Variants in DST observed in about 807,000 individuals in gnomAD.
DST encodes bullous pemphigoid antigen.
Under a neutral mutation model 875.2 loss-of-function variants are expected in DST, and 253 were observed. That is an observed-to-expected ratio of 0.29 (90% CI 0.26 to 0.32). The LOEUF (loss-of-function observed/expected upper bound fraction) is 0.32, where lower values mean the gene tolerates loss of function less well. Among genes scored for constraint, DST ranks in the 10% least tolerant of loss-of-function variants. The pLI is 1.00. For missense variants in DST, 8,287 were observed against 9,111.6 expected, an observed-to-expected ratio of 0.91 and a Z score of 3.68; for synonymous variants, 3,124 against 3,197.1, an observed-to-expected ratio of 0.98 and a Z score of 0.77.
At chr6:56,616,280 T>G in intron 36 of DST, 8 of 1,614,128 alleles carry the variant, frequency 5.0e-6, no homozygotes, top group Non-Finnish European at 6.8e-6. Flanking sequence ...TAATCCTGTT[T>G]TAGTATCAGT....
chr6:56,607,398 G>C lies in DST; in HGVS notation c.7230C>G (p.Phe2410Leu), dbSNP rs764920496. ...CATTCTCTGTTTCATTCACACCACA[G>C]AATTTACTCATTTTTGATTTCATAA... ...NPIMKSKMSKFCGVNETENED... is the reference protein window; with the variant it reads ...NPIMKSKMSKLCGVNETENED... Residue 2410 changes from phenylalanine to leucine, a missense_variant, in exon 40 of 104, where the codon TTC (phenylalanine) becomes TTG (leucine). This residue lies in a region of DST where 3,138 missense variants were observed against 3,116.6 expected (regional missense o/e 1.01). Coordinates refer to ENST00000680361, the MANE Select transcript of DST (RefSeq NM_001374736.1). 3.1e-6 allele frequency: 5 copies of C among 1,612,294 alleles called. No individual in the cohort carries two copies. In the African/African-American group the frequency reaches 5.3e-5, roughly 17 times the overall value.
In DST at chr6:56,642,903, T is replaced by C. The variant is rs1467800564; in HGVS notation, c.1779-400A>G. The C allele has an allele frequency of 3.2e-5, 50 of 1,564,192 alleles. No homozygotes were observed. The East Asian group carries it at 1.1e-3, about 36-fold the overall frequency. On this transcript the variant is annotated intron_variant, in intron 15 of 103. Transcript: ENST00000680361. ...AAAGTGGCAGCTGAATATTACAGCTTTTAGTGGCTCCTTAAATATGCTTCA... is the reference window on the plus strand; with the variant it reads ...AAAGTGGCAGCTGAATATTACAGCTCTTAGTGGCTCCTTAAATATGCTTCA...
intron 4 of DST, among the ~76,000 whole-genome samples, chr6:56,789,652 T>C (rs2099711648): frequency 1.3e-5 from 2 of 152,240 alleles, no homozygotes; most frequent in South Asian, 4.1e-4. Flanking sequence ...ACTTTCTGCT[T>C]CTGTGACTAT....
intron 37 of DST, among the ~76,000 whole-genome samples, chr6:56,612,916 C>T (rs1471537658): frequency 1.3e-5 from 2 of 152,030 alleles, no homozygotes; most frequent in African/African-American, 4.8e-5. Flanking sequence ...TGCAGTCCAG[C>T]TACTCAGGAG....
At chr6:56,542,225 CT>C (rs796255655) in intron 61 of DST, among the ~76,000 whole-genome samples, 1,780 of 143,932 alleles carry the variant, frequency 0.012, 44 homozygotes, top group African/African-American at 0.041. Context: ...TTTTCTTTTA[CT>C]TTTTTTTTTT....
At chr6:56,612,745 C>G (rs1470873869) in intron 37 of DST, among the ~76,000 whole-genome samples, 2 of 152,212 alleles carry the variant, frequency 1.3e-5, no homozygotes, top group Non-Finnish European at 2.9e-5. Flanking sequence ...GAACGACCAT[C>G]AGCTGTTCTT....
chr6:56,686,810 T>G (rs1407856136), intron 9 of DST, among the ~76,000 whole-genome samples: 1 of 152,224 alleles, frequency 6.6e-6, no homozygotes, highest in Non-Finnish European at 1.5e-5. Context: ...TCACAAAGTA[T>G]TTCCTCTTTT....
In DST at chr6:56,634,252, C is replaced by T. The variant is rs1183635009; in HGVS notation, c.3501G>A (p.Glu1167=). 6.2e-7 allele frequency: 1 copy of T among 1,613,836 alleles called. No individual in the cohort carries two copies. The change falls in exon 27 of 104, where the codon GAG becomes GAA. Residue 1167 remains glutamate, a synonymous_variant. Coordinates refer to ENST00000680361, the MANE Select transcript of DST (RefSeq NM_001374736.1). The stretch of plus-strand genomic sequence containing the variant: ...GAGTCAGGACATTCTGATACTGTTG[C>T]TCAATTCTGAAATACATGAAAGAGA... ...KEAVDLANRI[E]QQYQNVLTLW... is the part of the protein sequence containing the mutation.
At chr6:56,557,255 A>T (rs2097439679) in intron 59 of DST, 64 bp downstream of exon 59, 4 of 1,447,144 alleles carry the variant, frequency 2.8e-6, no homozygotes, top group Non-Finnish European at 3.8e-6. Context: ...ATTTATAATG[A>T]AAACATTGGT....
intron 3 of DST, among the ~76,000 whole-genome samples, chr6:56,884,305 G>A (rs1488498524): frequency 6.6e-6 from 1 of 151,996 alleles, no homozygotes; most frequent in African/African-American, 2.4e-5. Context: ...AAGAAATTAG[G>A]GGTATTTGTT....
At chr6:56,746,066 C>A (rs1467522412) in intron 4 of DST, among the ~76,000 whole-genome samples, 1 of 152,158 alleles carries the variant, frequency 6.6e-6, no homozygotes, top group African/African-American at 2.4e-5. Flanking sequence ...ACTGCAAACT[C>A]AACCTCCTGG....
intron 4 of DST, among the ~76,000 whole-genome samples, chr6:56,810,189 C>T (rs948669977): frequency 2.6e-5 from 4 of 152,048 alleles, no homozygotes; most frequent in African/African-American, 9.7e-5. Context: ...CATGGTGGCA[C>T]GTTCCAGCTA....
chr6:56,914,776 C>T (rs1443537051), intron 2 of DST, among the ~76,000 whole-genome samples: 1 of 152,128 alleles, frequency 6.6e-6, no homozygotes, highest in Non-Finnish European at 1.5e-5. Flanking sequence ...GGACAGAAAA[C>T]TCATCAATAC....
chr6:56,469,744 A>C, intron 97 of DST, 139 bp downstream of exon 97: 1 of 693,992 alleles, frequency 1.4e-6, no homozygotes, highest in Non-Finnish European at 2.5e-6. Flanking sequence ...TAAATGTAAG[A>C]GTTTCATATA....
At chr6:56,789,508 T>C (rs1429314712) in intron 4 of DST, among the ~76,000 whole-genome samples, 2 of 152,176 alleles carry the variant, frequency 1.3e-5, no homozygotes, top group Non-Finnish European at 2.9e-5. Flanking sequence ...TTATTAGCAT[T>C]AAGTATATTT....
rs557300155 is a variant in DST, at chr6:56,504,807, T to C, written c.19465-709A>G. On this transcript the variant is annotated intron_variant, in intron 77 of 103. Coordinates refer to ENST00000680361, the MANE Select transcript of DST (RefSeq NM_001374736.1). ...AACTCCTGGGCTCAAGCAATCCTCC[T>C]ACCTCAGCCTTCCAAGTAGCTCAGA... Among the ~76,000 whole-genome samples, 20 of 152,138 alleles carry C rather than the reference T, an allele frequency of 1.3e-4. No homozygotes were observed. In the South Asian group the frequency reaches 3.9e-3, roughly 30 times the overall value.
chr6:56,640,221 C>A lies in DST; in HGVS notation c.2412G>T (p.Leu804Phe). 6.2e-7 allele frequency: 1 copy of A among 1,614,154 alleles called. No homozygotes were observed. The highest frequency in any genetic ancestry group is 1.1e-5 in the South Asian group (1 of 91,088). Residue 804 changes from leucine (L) to phenylalanine (F), a missense_variant, in exon 18 of 104, where the codon TTG (leucine) becomes TTT (phenylalanine). Leu to Phe is a conservative substitution (Grantham distance 22). Around this residue, in one of 10 missense-constraint regions of DST, gnomAD observed 1,160 missense variants for 1,424.3 expected, o/e 0.81. Transcript: ENST00000680361. ...QIRKPLLKSS[L>F]LDQNLTEEEI... ...CTTCTTCTGTTAAATTTTGATCCAGCAAAGAAGACTTTAGAAGGGGTTTTC... is the reference window on the plus strand; with the variant it reads ...CTTCTTCTGTTAAATTTTGATCCAGAAAAGAAGACTTTAGAAGGGGTTTTC...
intron 4 of DST, among the ~76,000 whole-genome samples, chr6:56,791,656 A>G (rs1373511141): frequency 6.6e-6 from 1 of 151,838 alleles, no homozygotes; most frequent in African/African-American, 2.4e-5. Flanking sequence ...GTGGTGGCAC[A>G]TGTCTGTGGT....
intron 3 of DST, among the ~76,000 whole-genome samples, chr6:56,854,230 G>A (rs1307108161): frequency 1.3e-5 from 2 of 152,020 alleles, no homozygotes; most frequent in Admixed American, 6.6e-5. Context: ...AAAAGAGTGC[G>A]GAACTACAGT....
Sources: gnomAD v4.1 joint callset for allele counts (sites outside exome capture counted in the v4.1 genomes callset) on GRCh38, gnomAD v4.1.1 for gene constraint, gnomAD v4.1.1 regional missense constraint, MANE v1.5 for transcripts, NCBI Gene and HGNC (gene_info 2026-07-23, HGNC 2026-07-21) for gene names.